Variants in ST6GALNAC3 observed in about 807,000 individuals in gnomAD.
ST6GALNAC3 encodes ST6 N-acetylgalactosaminide alpha-2,6-sialyltransferase 3, also known as alpha-N-acetylgalactosaminide alpha-2,6-sialyltransferase 3.
ST6GALNAC3 carries 25 observed loss-of-function variants against 32.7 expected under a neutral mutation model. The observed-to-expected ratio is 0.76, with a 90% CI of 0.56 to 1.07. The LOEUF is 1.07. Among genes scored for constraint, ST6GALNAC3 ranks in the 50% least tolerant of loss-of-function variants. The probability of loss-of-function intolerance (pLI) is 0.00; values close to 1 mark genes in which losing one functional copy is unlikely to be tolerated. For missense variants in ST6GALNAC3, 355 were observed against 382.4 expected (o/e 0.93, Z 0.60); for synonymous variants, 129 against 133.1 (o/e 0.97, Z 0.21).
At chr1:76,462,155 G>A (rs951706618) in intron 3 of ST6GALNAC3, among the ~76,000 whole-genome samples, 2 of 151,962 alleles carry the variant, frequency 1.3e-5, no homozygotes, top group African/African-American at 2.4e-5. Context: ...CAATGATGCT[G>A]TGTTGTTTAC....
chr1:76,165,210 TTCTGTGTG>T (rs917626245), intron 1 of ST6GALNAC3, among the ~76,000 whole-genome samples: 52 of 152,254 alleles, frequency 3.4e-4, no homozygotes, highest in African/African-American at 1.3e-3. Context: ...TGTTGTTCCC[TTCTGTGTG>T]TCTGTGTGTT....
intron 3 of ST6GALNAC3, among the ~76,000 whole-genome samples, chr1:76,544,896 G>A (rs538539833): frequency 6.6e-6 from 1 of 152,118 alleles, no homozygotes; most frequent in Non-Finnish European, 1.5e-5. Flanking sequence ...TCCATGAAAG[G>A]GATCACATTT....
At chr1:76,360,850 G>A (rs753584002) in intron 2 of ST6GALNAC3, among the ~76,000 whole-genome samples, 4 of 152,164 alleles carry the variant, frequency 2.6e-5, no homozygotes, top group Non-Finnish European at 5.9e-5. Flanking sequence ...CTGGGAGTCA[G>A]AGTCTCAATT....
rs916216710 is a variant in ST6GALNAC3 at position 76,335,111 on chromosome 1, G to A, written c.213+21112G>A. ...TGAATACGTGAGTGGCAGCAGTTGC[G>A]GTGGTAAGTTAAATCAGGAATAAAT... On this transcript the variant is annotated intron_variant, in intron 2 of 4. Coordinates refer to ENST00000328299, the MANE Select transcript of ST6GALNAC3 (RefSeq NM_152996.4). Among the ~76,000 whole-genome samples the A allele has an allele frequency of 1.2e-4, 18 of 152,230 alleles. No homozygotes were observed. In the South Asian group the frequency reaches 1.2e-3, roughly 11 times the overall value.
chr1:76,103,179 T>A (rs911838442), intron 1 of ST6GALNAC3, among the ~76,000 whole-genome samples: 5 of 151,886 alleles, frequency 3.3e-5, no homozygotes, highest in African/African-American at 1.2e-4. Context: ...CTTTTTACAT[T>A]TCCTGCTTGG....
intron 1 of ST6GALNAC3, among the ~76,000 whole-genome samples, chr1:76,280,807 A>G (rs1659454213): frequency 6.6e-6 from 1 of 152,250 alleles, no homozygotes; most frequent in African/African-American, 2.4e-5. Context: ...TTTCTATAAA[A>G]TGAGGTCAAT....
At chr1:76,498,650 TA>T (rs1163709530) in intron 3 of ST6GALNAC3, among the ~76,000 whole-genome samples, 7 of 152,110 alleles carry the variant, frequency 4.6e-5, no homozygotes, top group Non-Finnish European at 1.0e-4. Context: ...GGACATAAAC[TA>T]CTTTATCATT....
intron 3 of ST6GALNAC3, among the ~76,000 whole-genome samples, chr1:76,422,939 T>C (rs1202450824): frequency 6.6e-6 from 1 of 152,024 alleles, no homozygotes; most frequent in African/African-American, 2.4e-5. Flanking sequence ...TGCTCCTCTG[T>C]AATTATACCA....
chr1:76,266,511 A>C (rs188839166), intron 1 of ST6GALNAC3, among the ~76,000 whole-genome samples: 54 of 152,292 alleles, frequency 3.5e-4, no homozygotes, highest in Non-Finnish European at 5.1e-4. Context: ...ATGTGGAATA[A>C]AGGCTTCTGG....
chr1:76,166,800 G>C (rs1288605526), intron 1 of ST6GALNAC3, among the ~76,000 whole-genome samples: 1 of 152,062 alleles, frequency 6.6e-6, no homozygotes, highest in African/African-American at 2.4e-5. Context: ...TCGGCTCTTG[G>C]CTTCACTGTT....
At chr1:76,590,293 GA>G (rs34744045) in intron 3 of ST6GALNAC3, among the ~76,000 whole-genome samples, 7 of 152,126 alleles carry the variant, frequency 4.6e-5, no homozygotes, top group African/African-American at 1.4e-4. Flanking sequence ...CATTCTGTAA[GA>G]AAAATGGGAT....
At chr1:76,171,829 A>C (rs1297063189) in intron 1 of ST6GALNAC3, among the ~76,000 whole-genome samples, 5 of 147,984 alleles carry the variant, frequency 3.4e-5, no homozygotes, top group Admixed American at 2.1e-4. Flanking sequence ...AAAAAAAAAA[A>C]AACAAGAAAA....
At chr1:76,176,590 A>C (rs575154311) in intron 1 of ST6GALNAC3, among the ~76,000 whole-genome samples, 155 of 152,274 alleles carry the variant, frequency 1.0e-3, no homozygotes, top group Admixed American at 1.9e-3. Context: ...TTATAGATAC[A>C]CCTGAGGATT....
At chr1:76,386,196 A>G (rs1010731976) in intron 2 of ST6GALNAC3, among the ~76,000 whole-genome samples, 5 of 152,104 alleles carry the variant, frequency 3.3e-5, no homozygotes, top group African/African-American at 4.8e-5. Context: ...AACTGGAGTG[A>G]ATCTTGAGAG....
intron 2 of ST6GALNAC3, among the ~76,000 whole-genome samples, chr1:76,376,312 C>T (rs1487881541): frequency 1.3e-5 from 2 of 152,042 alleles, no homozygotes; most frequent in African/African-American, 4.8e-5. Flanking sequence ...ATTTTACATG[C>T]CTTTGTGTAT....
In ST6GALNAC3 at chr1:76,130,507, A is replaced by G. The variant is rs117062400; in HGVS notation, c.18+55623A>G. Among the ~76,000 whole-genome samples, 18 of 152,252 alleles carry G rather than the reference A, an allele frequency of 1.2e-4. No individual in the cohort carries two copies. The East Asian group carries it at 3.5e-3, about 29-fold the overall frequency. ...TTCAACATGGCCCAGGTGACTAGGG[A>G]AGGGACCAGCACTGTGCTCCCTCTG... On this transcript the variant is annotated intron_variant, in intron 1 of 4. Transcript: ENST00000328299.
chr1:76,503,652 G>A (rs1012757341), intron 3 of ST6GALNAC3, among the ~76,000 whole-genome samples: 3 of 152,220 alleles, frequency 2.0e-5, no homozygotes, highest in Non-Finnish European at 4.4e-5. Flanking sequence ...TTGAAATCTG[G>A]ACAAGTGTGC....
chr1:76,510,281 T>C (rs1661767288), intron 3 of ST6GALNAC3, among the ~76,000 whole-genome samples: 1 of 152,102 alleles, frequency 6.6e-6, no homozygotes, highest in Non-Finnish European at 1.5e-5. Context: ...GAGGCATGAT[T>C]ATGAGCTAAA....
chr1:76,324,573 A>T (rs750639770), intron 2 of ST6GALNAC3, among the ~76,000 whole-genome samples: 1 of 152,188 alleles, frequency 6.6e-6, no homozygotes, highest in Non-Finnish European at 1.5e-5. Flanking sequence ...AGAACACGTG[A>T]TGACAACTCC....
Sources: allele counts gnomAD v4.1 joint callset (sites outside exome capture counted in the v4.1 genomes callset), GRCh38; gene constraint gnomAD v4.1.1; transcripts MANE v1.5; gene names NCBI Gene and HGNC (gene_info 2026-07-23, HGNC 2026-07-21).